Variants in USP34 observed in about 807,000 individuals in gnomAD.
USP34 encodes ubiquitin carboxyl-terminal hydrolase 34.
USP34 carries 70 observed loss-of-function variants against 460.3 expected under a neutral mutation model. The ratio of observed to expected loss-of-function variants is 0.15; its 90% confidence interval spans 0.13 to 0.19. USP34 has a LOEUF of 0.19. USP34 is among the 10% of genes least tolerant of loss of function. The probability of loss-of-function intolerance (pLI) is 1.00; values close to 1 mark genes in which losing one functional copy is unlikely to be tolerated. For missense variants in USP34, 3,985 were observed against 4,236.2 expected (o/e 0.94, Z 1.65); for synonymous variants, 1,647 against 1,405.3 (o/e 1.17, Z -3.85).
At chr2:61,328,543 A>G (rs966578339) in intron 20 of USP34, among the ~76,000 whole-genome samples, 1 of 152,168 alleles carries the variant, frequency 6.6e-6, no homozygotes, top group African/African-American at 2.4e-5. Flanking sequence ...AATTGTATCA[A>G]AATAGTCCAG....
In USP34 at chr2:61,188,157, G is replaced by A; in HGVS notation, c.10586C>T (p.Ser3529Phe). 3.7e-6 allele frequency: 6 copies of A among 1,614,100 alleles called. No individual in the cohort carries two copies. The highest frequency in any genetic ancestry group is 4.2e-6 in the Non-Finnish European group (5 of 1,180,014). The stretch of plus-strand genomic sequence containing the variant: ...TATCCTTGTGACGACATGGATTGTA[G>A]ATTCAATGGTCCTACACAGGGTATC... ...ILDTLCRTIE[S>F]TIHVVTRISG... is the part of the protein sequence containing the mutation. Residue 3529 changes from serine (S) to phenylalanine (F), a missense_variant, in exon 80 of 80, where the codon TCT becomes TTT. Transcript: ENST00000398571.
intron 16 of USP34, among the ~76,000 whole-genome samples, chr2:61,341,765 T>TTG (rs1485851979): frequency 6.9e-6 from 1 of 144,118 alleles, no homozygotes; most frequent in African/African-American, 2.6e-5. Flanking sequence ...CTTTTTTTTT[T>TTG]TTTTTTTTTT....
chr2:61,389,813 C>G (rs1005820206), intron 5 of USP34, among the ~76,000 whole-genome samples: 1 of 151,808 alleles, frequency 6.6e-6, no homozygotes, highest in Non-Finnish European at 1.5e-5. Flanking sequence ...ATTCTAGCAG[C>G]CCTCCTAACC....
chr2:61,386,165 A>G (rs1324068295), intron 5 of USP34, among the ~76,000 whole-genome samples: 1 of 152,110 alleles, frequency 6.6e-6, no homozygotes, highest in East Asian at 1.9e-4. Context: ...ACATAAAAAC[A>G]TCCGATTTGG....
chr2:61,442,898 T>TGCACAC (rs151201847), intron 1 of USP34, among the ~76,000 whole-genome samples: 1 of 147,202 alleles, frequency 6.8e-6, no homozygotes, highest in Non-Finnish European at 1.5e-5. Flanking sequence ...GTGATGTGTG[T>TGCACAC]ACACACACAC....
intron 67 of USP34, 155 bp downstream of exon 67, chr2:61,220,151 TAAAA>T (rs60784334): frequency 2.7e-3 from 451 of 168,704 alleles, no homozygotes; most frequent in East Asian, 5.6e-3. Context: ...TTTCCTATCC[TAAAA>T]AAAAAAAAAA....
chr2:61,449,114 G>GT (rs1695197946), intron 1 of USP34, among the ~76,000 whole-genome samples: 2 of 151,840 alleles, frequency 1.3e-5, no homozygotes, highest in Admixed American at 1.3e-4. Flanking sequence ...CCAAGATCGT[G>GT]CCACTGCACT....
chr2:61,384,452 T>G (rs1365048798), intron 5 of USP34, among the ~76,000 whole-genome samples: 1 of 151,970 alleles, frequency 6.6e-6, no homozygotes. Context: ...GGTGGATCAC[T>G]TGAGGTCAGG....
At chr2:61,250,286 G>T in intron 48 of USP34, 1 of 182,080 alleles carries the variant, frequency 5.5e-6, no homozygotes, top group Admixed American at 6.3e-5. Flanking sequence ...AAAGCATTTT[G>T]AAAGAAAAAC....
chr2:61,375,178 C>A (rs776691370), intron 8 of USP34, among the ~76,000 whole-genome samples: 16 of 152,012 alleles, frequency 1.1e-4, no homozygotes, highest in Non-Finnish European at 2.1e-4. Flanking sequence ...TAGGGAAATG[C>A]AAATTAAAAC....
At chr2:61,385,255 T>C (rs1693101199) in intron 5 of USP34, among the ~76,000 whole-genome samples, 1 of 152,178 alleles carries the variant, frequency 6.6e-6, no homozygotes, top group South Asian at 2.1e-4. Flanking sequence ...ACATTTGCCA[T>C]ATTTATTGTG....
chr2:61,446,289 T>A (rs1432164182), intron 1 of USP34, among the ~76,000 whole-genome samples: 2 of 152,118 alleles, frequency 1.3e-5, no homozygotes, highest in Non-Finnish European at 2.9e-5. Context: ...GCTGTATCCT[T>A]CTAAGTGCTT....
intron 1 of USP34, among the ~76,000 whole-genome samples, chr2:61,445,612 G>C (rs185927256): frequency 4.0e-5 from 6 of 151,104 alleles, no homozygotes; most frequent in Non-Finnish European, 4.4e-5. Flanking sequence ...AAGAGCAACA[G>C]AAAGAGTAAA....
chr2:61,300,854 T>A, intron 29 of USP34, 97 bp downstream of exon 29: 3 of 774,612 alleles, frequency 3.9e-6, no homozygotes, highest in Non-Finnish European at 5.7e-6. Flanking sequence ...AATTATTATA[T>A]ACTTTATAAC....
chr2:61,227,583 C>T (rs1236117894), intron 61 of USP34, among the ~76,000 whole-genome samples: 39 of 151,966 alleles, frequency 2.6e-4, no homozygotes, highest in African/African-American at 8.7e-4. Context: ...TGGTGGCACG[C>T]GCTTGTAATC....
chr2:61,226,106 C>T (rs978747997), intron 62 of USP34, among the ~76,000 whole-genome samples: 3 of 152,172 alleles, frequency 2.0e-5, no homozygotes, highest in African/African-American at 2.4e-5. Context: ...GGACTACAGG[C>T]GTGTGCCACC....
chr2:61,189,980 CA>C (rs1686581116), intron 78 of USP34: 1 of 271,890 alleles, frequency 3.7e-6, no homozygotes, highest in East Asian at 6.8e-5. Context: ...ATAGAAACAT[CA>C]CAAGTATTGT....
chr2:61,401,591 T>G (rs1345491494), intron 3 of USP34, among the ~76,000 whole-genome samples: 1 of 121,930 alleles, frequency 8.2e-6, no homozygotes, highest in Non-Finnish European at 1.6e-5. Context: ...CTCTGTCACC[T>G]AGGGTGGAGT....
Position 61,470,786 on chromosome 2 carries a change from G to C in USP34, c.-94C>G, listed in dbSNP as rs1695936779. On this transcript the variant is annotated 5_prime_UTR_variant, in exon 1 of 80. Transcript: ENST00000398571. ...GGGGAGAGAGGCGGAGGAGGGGGCC[G>C]GCCGGCCGGCGGGGCGGGGAGGCGA... 4.4e-6 allele frequency: 5 copies of C among 1,126,266 alleles called. No individual in the cohort carries two copies. In the African/African-American group the frequency reaches 4.9e-5, roughly 11 times the overall value. 69.8% of individuals were successfully genotyped at this position (1,126,266 alleles called of 1,614,324 possible).
Sources: allele counts gnomAD v4.1 joint callset (sites outside exome capture counted in the v4.1 genomes callset), GRCh38; gene constraint gnomAD v4.1.1; transcripts MANE v1.5; gene names NCBI Gene and HGNC (gene_info 2026-07-23, HGNC 2026-07-21).